Variants in TCEA1 observed in about 807,000 individuals in gnomAD.
The protein encoded by TCEA1 is transcription elongation factor A1, also known as transcription elongation factor A protein 1.
TCEA1 carries 21 observed loss-of-function variants against 43.8 expected under a neutral mutation model. The ratio of observed to expected loss-of-function variants is 0.48; its 90% CI spans 0.34 to 0.69. TCEA1 has a LOEUF of 0.69. TCEA1 is among the 30% of genes least tolerant of loss of function. The pLI is 0.01. For missense variants in TCEA1, 250 were observed against 365.1 expected (o/e 0.68, Z 2.57); for synonymous variants, 104 against 117.5 (o/e 0.88, Z 0.75).
chr8:54,013,521 A>C (rs1804720678), intron 1 of TCEA1, among the ~76,000 whole-genome samples: 1 of 151,980 alleles, frequency 6.6e-6, no homozygotes, highest in South Asian at 2.1e-4. Flanking sequence ...TCTACTAAAA[A>C]TACAAAAATT....
At chr8:54,016,664 C>A (rs1476223622) in intron 1 of TCEA1, among the ~76,000 whole-genome samples, 1 of 151,692 alleles carries the variant, frequency 6.6e-6, no homozygotes, top group Non-Finnish European at 1.5e-5. Context: ...CATGGTGAAA[C>A]CCTGTCTCTA....
At chr8:53,994,862 C>G (rs984022221) in intron 3 of TCEA1, among the ~76,000 whole-genome samples, 76 of 150,696 alleles carry the variant, frequency 5.0e-4, no homozygotes, top group African/African-American at 1.8e-3. Flanking sequence ...CAGAACAAGA[C>G]TCTGTCTCAA....
rs577420956 is a variant in TCEA1, at chr8:53,968,064, G to A, written c.*40C>T. 15 of 1,518,094 alleles carry A rather than the reference G, an allele frequency of 9.9e-6. No individual in the cohort carries two copies. The highest frequency in any genetic ancestry group is 7.5e-5 in the South Asian group (6 of 79,704). The allele number at this position is 1,518,094 out of a possible 1,614,324, so 94.0% of individuals were successfully genotyped here. Reference sequence around the variant, plus strand: ...TAGTTTAAAGCTAGTTACAAAATCCGTTTTCTTAATGGTCCAGATATTTTG... The same window carrying A: ...TAGTTTAAAGCTAGTTACAAAATCCATTTTCTTAATGGTCCAGATATTTTG... On this transcript the variant is annotated 3_prime_UTR_variant, in exon 10 of 10. Transcript: ENST00000521604.
intron 1 of TCEA1, among the ~76,000 whole-genome samples, chr8:54,021,253 T>G (rs1050235611): frequency 2.6e-5 from 4 of 152,104 alleles, no homozygotes; most frequent in Non-Finnish European, 5.9e-5. Context: ...GCCACACAAA[T>G]GGGCAAGCTG....
intron 2 of TCEA1, among the ~76,000 whole-genome samples, chr8:54,008,479 T>TA (rs980846680): frequency 2.2e-4 from 32 of 148,474 alleles, no homozygotes; most frequent in East Asian, 1.2e-3. Context: ...ACCCCGTCTC[T>TA]AAAAAAAAAA....
At chr8:53,972,304 A>C (rs1402303897) in intron 8 of TCEA1, 2 of 444,300 alleles carry the variant, frequency 4.5e-6, no homozygotes, top group South Asian at 3.6e-5. Context: ...GATGATGAAA[A>C]TGAAGAGGAG....
At position 54,022,108 on chromosome 8, in the gene TCEA1, G is replaced by A; in HGVS notation, c.18C>T (p.Val6=). The A allele has an allele frequency of 6.2e-7, 1 of 1,606,768 alleles. No individual in the cohort carries two copies. The highest frequency in any genetic ancestry group is 8.5e-7 in the Non-Finnish European group (1 of 1,177,526). ...TCTTGTCCATCTTCTTGGCAAAGCGGACCACTTCGTCCTCCATGGCTCCGG... is the reference window on the plus strand; with the variant it reads ...TCTTGTCCATCTTCTTGGCAAAGCGAACCACTTCGTCCTCCATGGCTCCGG... MEDEV[V]RFAKKMDKMV... Residue 6 remains valine, a synonymous_variant, in exon 1 of 10, where the codon GTC becomes GTT. Coordinates refer to ENST00000521604, the MANE Select transcript of TCEA1 (RefSeq NM_006756.4).
At chr8:54,007,108 C>G (rs1804492092) in intron 2 of TCEA1, among the ~76,000 whole-genome samples, 1 of 152,152 alleles carries the variant, frequency 6.6e-6, no homozygotes, top group African/African-American at 2.4e-5. Context: ...TTCCAAAGTG[C>G]TGGAATTACA....
chr8:53,976,207 G>C (rs1803328852), intron 8 of TCEA1, among the ~76,000 whole-genome samples: 1 of 152,106 alleles, frequency 6.6e-6, no homozygotes, highest in African/African-American at 2.4e-5. Flanking sequence ...CCACTTCAAA[G>C]ATCAAAGGTT....
At chr8:53,990,889 T>A (rs1490856848) in intron 4 of TCEA1, among the ~76,000 whole-genome samples, 1 of 152,212 alleles carries the variant, frequency 6.6e-6, no homozygotes, top group Non-Finnish European at 1.5e-5. Flanking sequence ...AAAATCCTGC[T>A]TAGCTACAAG....
intron 4 of TCEA1, among the ~76,000 whole-genome samples, chr8:53,992,955 CTTT>C (rs34864863): frequency 2.9e-5 from 4 of 136,216 alleles, no homozygotes; most frequent in Admixed American, 7.4e-5. Flanking sequence ...TAACAAATGG[CTTT>C]TTTTTTTTTT....
intron 2 of TCEA1, among the ~76,000 whole-genome samples, chr8:54,005,240 T>C (rs1804403710): frequency 6.6e-6 from 1 of 152,238 alleles, no homozygotes; most frequent in Non-Finnish European, 1.5e-5. Context: ...CATATATGGC[T>C]ATTTAAAATT....
In TCEA1 at chr8:53,984,326, A is replaced by G. The variant is rs775412527; in HGVS notation, c.678+37T>C. The G allele has an allele frequency of 1.9e-6, 3 of 1,551,802 alleles. No homozygotes were observed. In the East Asian group the frequency reaches 6.8e-5, roughly 35 times the overall value. On this transcript the variant is annotated intron_variant, in intron 7 of 9. Transcript: ENST00000521604. ...TAGGCTTTACACTTCACAACACAGA[A>G]TCACATTATAGAAACCTCAGATTCA...
intron 1 of TCEA1, among the ~76,000 whole-genome samples, chr8:54,019,097 C>A (rs1373800401): frequency 2.0e-5 from 3 of 152,144 alleles, no homozygotes; most frequent in Non-Finnish European, 4.4e-5. Context: ...AGCAGAATAC[C>A]TGGCTCAGAG....
intron 9 of TCEA1, among the ~76,000 whole-genome samples, chr8:53,969,986 C>T (rs10095679): frequency 1.3e-5 from 2 of 151,992 alleles, no homozygotes; most frequent in Admixed American, 1.3e-4. Flanking sequence ...AAAATAAACA[C>T]TAAAATCATT....
chr8:53,999,121 G>GGGA (rs896279924), intron 3 of TCEA1, among the ~76,000 whole-genome samples: 17 of 151,192 alleles, frequency 1.1e-4, no homozygotes, highest in African/African-American at 4.1e-4. Flanking sequence ...CCAGCTACTC[G>GGGA]GGAGGCTGAG....
chr8:54,007,837 TAA>T (rs1439835245), intron 2 of TCEA1, among the ~76,000 whole-genome samples: 2 of 152,214 alleles, frequency 1.3e-5, no homozygotes, highest in East Asian at 3.8e-4. Flanking sequence ...TTGGCTATAT[TAA>T]GTTTCCTTTT....
At chr8:54,019,485 G>A (rs866598621) in intron 1 of TCEA1, among the ~76,000 whole-genome samples, 97 of 151,186 alleles carry the variant, frequency 6.4e-4, no homozygotes, top group African/African-American at 2.2e-3. Flanking sequence ...CAAGAGAATC[G>A]CTTGAACTGG....
intron 8 of TCEA1, among the ~76,000 whole-genome samples, chr8:53,977,621 T>C (rs1421418570): frequency 6.6e-6 from 1 of 152,196 alleles, no homozygotes; most frequent in Non-Finnish European, 1.5e-5. Context: ...TGAAACATAG[T>C]AAGTTGTCCC....
Sources: allele counts gnomAD v4.1 joint callset (sites outside exome capture counted in the v4.1 genomes callset), GRCh38; gene constraint gnomAD v4.1.1; transcripts MANE v1.5; gene names NCBI Gene and HGNC (gene_info 2026-07-23, HGNC 2026-07-21).